FYB2: variants seen among roughly 807,000 people sequenced by gnomAD.
The protein encoded by FYB2 is FYN-binding protein 2.
A neutral mutation model predicts 94.1 loss-of-function variants in FYB2; 103 were observed. The ratio of observed to expected loss-of-function variants is 1.09; its 90% CI spans 0.93 to 1.29. The LOEUF (loss-of-function observed/expected upper bound fraction) is 1.29. Among genes scored for constraint, FYB2 ranks in the 50% most tolerant of loss-of-function variants. The pLI, the probability that FYB2 is intolerant of heterozygous loss-of-function variation, is 0.00. For synonymous variants in FYB2, 293 were observed against 287.9 expected (o/e 1.02, Z -0.18); for missense variants, 896 against 841.5 (o/e 1.06, Z -0.80).
At chr1:56,815,701 A>G (rs756191862) in intron 1 of FYB2, among the ~76,000 whole-genome samples, 1 of 150,556 alleles carries the variant, frequency 6.6e-6, no homozygotes, top group Non-Finnish European at 1.5e-5. Context: ...GAACTCTCCC[A>G]CCTCCTATAT....
intron 17 of FYB2, among the ~76,000 whole-genome samples, chr1:56,723,225 GCA>G (rs766115690): frequency 3.5e-3 from 499 of 142,420 alleles, no homozygotes; most frequent in Non-Finnish European, 5.7e-3. Context: ...ACACACACAC[GCA>G]CACACACACA....
At position 56,787,224 on chromosome 1, in the gene FYB2, G is replaced by C. The variant is rs759210495; in HGVS notation, c.920-16C>G. ...TCCACAGTCACTGCAAGAGAAAGAGGCGGAATGAAAAAGAGGCATTTGCAG... is the reference window on the plus strand; with the variant it reads ...TCCACAGTCACTGCAAGAGAAAGAGCCGGAATGAAAAAGAGGCATTTGCAG... On this transcript the variant is annotated splice_polypyrimidine_tract_variant and intron_variant, in intron 3 of 19. Transcript: ENST00000343433. The C allele has an allele frequency of 1.9e-6, 3 of 1,613,826 alleles. No homozygotes were observed. The highest frequency in any genetic ancestry group is 2.5e-6 in the Non-Finnish European group (3 of 1,179,812).
chr1:56,804,150 C>A (rs6698948), intron 1 of FYB2, among the ~76,000 whole-genome samples: 9,832 of 152,238 alleles, frequency 0.065, 442 homozygotes, highest in East Asian at 0.2. Flanking sequence ...ATGCCCTTTG[C>A]CACTTTCCAT....
At chr1:56,762,652 G>T (rs1645526158) in intron 5 of FYB2, among the ~76,000 whole-genome samples, 1 of 151,920 alleles carries the variant, frequency 6.6e-6, no homozygotes, top group South Asian at 2.1e-4. Flanking sequence ...AATTTCTTGG[G>T]AATTTCTATC....
chr1:56,826,578 C>G, the FYB2 span: 3 of 152,310 alleles, frequency 2.0e-5, no homozygotes, highest in South Asian at 6.2e-4. Context: ...TGCCATGTCC[C>G]TTAACCTTCC....
Position 56,819,309 on chromosome 1 carries a change from A to C in FYB2, c.-19T>G. On this transcript the variant is annotated 5_prime_UTR_variant, in exon 1 of 20. Transcript: ENST00000343433. ...CTTCCATTGCTTTCCTCCAAGGCAGAGTCAGGGAAACAAGCCCAGCCTCTC... is the reference window on the plus strand; with the variant it reads ...CTTCCATTGCTTTCCTCCAAGGCAGCGTCAGGGAAACAAGCCCAGCCTCTC... The C allele has an allele frequency of 6.2e-7, 1 of 1,614,176 alleles. No individual in the cohort carries two copies. The highest frequency in any genetic ancestry group is 8.5e-7 in the Non-Finnish European group (1 of 1,180,030).
upstream of FYB2, among the ~76,000 whole-genome samples, chr1:56,821,376 G>C (rs186278543): frequency 0.013 from 1,556 of 119,082 alleles, 30 homozygotes; most frequent in African/African-American, 0.037. Flanking sequence ...GCTGTTAGGG[G>C]TGGGTACTGT....
chr1:56,732,659 C>A (rs543511652), intron 15 of FYB2, among the ~76,000 whole-genome samples: 1 of 152,100 alleles, frequency 6.6e-6, no homozygotes, highest in East Asian at 1.9e-4. Context: ...GAATAGATAA[C>A]CCAGAAATTA....
rs770583743 is a variant in FYB2, at chr1:56,755,867, G to T, written c.1130+29C>A. Reference sequence around the variant, plus strand: ...CATCAGAAAGTCAGTGCTTGGACAGGTGCTTTTCTTTTGAAAGATAAAACT... The same window carrying T: ...CATCAGAAAGTCAGTGCTTGGACAGTTGCTTTTCTTTTGAAAGATAAAACT... On this transcript the variant is annotated intron_variant, in intron 7 of 19. Transcript: ENST00000343433. The T allele has an allele frequency of 6.9e-6, 11 of 1,582,946 alleles. No homozygotes were observed. The South Asian group carries it at 1.2e-4, about 18-fold the overall frequency.
chr1:56,755,333 C>T (rs770694326), intron 7 of FYB2, among the ~76,000 whole-genome samples: 1 of 151,996 alleles, frequency 6.6e-6, no homozygotes, highest in Non-Finnish European at 1.5e-5. Context: ...TGCAAACAGA[C>T]CTTACAGTGG....
chr1:56,757,011 G>C (rs1016778078), intron 6 of FYB2, among the ~76,000 whole-genome samples: 1 of 152,124 alleles, frequency 6.6e-6, no homozygotes, highest in African/African-American at 2.4e-5. Context: ...GTCCCTTATA[G>C]TCAAGAATAT....
chr1:56,741,688 A>C (rs1240209510), intron 12 of FYB2, among the ~76,000 whole-genome samples: 1 of 152,014 alleles, frequency 6.6e-6, no homozygotes, highest in Non-Finnish European at 1.5e-5. Context: ...AACAAATTTT[A>C]TTCTTGATAA....
rs765485883 is a variant in FYB2, at chr1:56,819,262, C to G, written c.9+20G>C. 1 of 1,614,236 alleles carries G rather than the reference C, an allele frequency of 6.2e-7. No individual in the cohort carries two copies. The highest frequency in any genetic ancestry group is 1.1e-5 in the South Asian group (1 of 91,090). ...GAAAAGACACACAGAAAGCCAGCAA[C>G]AAAACTGAGACAGCCTTACCCCTTC... is the stretch of plus-strand genomic sequence containing the variant. On this transcript the variant is annotated intron_variant, in intron 1 of 19. Transcript: ENST00000343433.
intron 4 of FYB2, among the ~76,000 whole-genome samples, chr1:56,781,849 T>C (rs978599285): frequency 6.6e-6 from 1 of 152,306 alleles, no homozygotes; most frequent in Non-Finnish European, 1.5e-5. Context: ...TCCTTTAAAA[T>C]GTCCTAAGCG....
At chr1:56,780,158 T>G (rs1570123046) in intron 4 of FYB2, among the ~76,000 whole-genome samples, 1 of 152,156 alleles carries the variant, frequency 6.6e-6, no homozygotes, top group Non-Finnish European at 1.5e-5. Context: ...AATAAACCTT[T>G]GTACAAAACT....
intron 8 of FYB2, among the ~76,000 whole-genome samples, chr1:56,752,151 G>A (rs1159780642): frequency 6.6e-6 from 1 of 151,942 alleles, no homozygotes; most frequent in Non-Finnish European, 1.5e-5. Flanking sequence ...ACAGCCTGGC[G>A]ATGAGGTTGA....
intron 16 of FYB2, 107 bp downstream of exon 16, chr1:56,726,390 T>A (rs965250141): frequency 4.1e-6 from 4 of 985,962 alleles, no homozygotes; most frequent in Non-Finnish European, 6.1e-6. Flanking sequence ...ATCTTGTAGA[T>A]GAAACAGCTG....
chr1:56,775,534 T>C (rs1225985153), intron 4 of FYB2, among the ~76,000 whole-genome samples: 1 of 152,178 alleles, frequency 6.6e-6, no homozygotes, highest in Non-Finnish European at 1.5e-5. Context: ...AATCTTTGGC[T>C]CTATGAAATA....
chr1:56,721,630 G>A (rs947967200), intron 17 of FYB2, among the ~76,000 whole-genome samples: 1 of 151,898 alleles, frequency 6.6e-6, no homozygotes, highest in Non-Finnish European at 1.5e-5. Context: ...ACACTGCTTA[G>A]CTCGACATTT....
Sources: allele counts gnomAD v4.1 joint callset (sites outside exome capture counted in the v4.1 genomes callset), GRCh38; gene constraint gnomAD v4.1.1; transcripts MANE v1.5; gene names NCBI Gene and HGNC (gene_info 2026-07-23, HGNC 2026-07-21).